S100Z: variants seen among roughly 807,000 people sequenced by gnomAD.
S100Z encodes the protein protein S100-Z.
In S100Z, 11 loss-of-function variants were observed where a neutral mutation model predicts 8.5. The observed-to-expected ratio is 1.30, with a 90% confidence interval of 0.82 to 2.15. The LOEUF is 2.15. Among genes scored for constraint, S100Z ranks in the 30% most tolerant of loss-of-function variants. The pLI is 0.00. For synonymous variants in S100Z, 34 were observed against 43.8 expected (o/e 0.78, Z 0.89); for missense variants, 126 against 117.9 (o/e 1.07, Z -0.32).
chr5:76,857,277 C>G (rs1336110408), intron 1 of S100Z, among the ~76,000 whole-genome samples: 1 of 151,696 alleles, frequency 6.6e-6, no homozygotes, highest in Non-Finnish European at 1.5e-5. Flanking sequence ...GGGCAACAGG[C>G]AAGACTCCAT....
intron 4 of S100Z, among the ~76,000 whole-genome samples, chr5:76,891,956 A>G (rs1743875320): frequency 6.6e-6 from 1 of 152,196 alleles, no homozygotes; most frequent in East Asian, 1.9e-4. Flanking sequence ...ATCAGAGCCA[A>G]CTAAGGGTAC....
At chr5:76,926,956 T>A in the S100Z span, among the ~76,000 whole-genome samples, 5 of 152,246 alleles carry the variant, frequency 3.3e-5, no homozygotes, top group South Asian at 1.0e-3. Context: ...TGTTTTGTTA[T>A]GAACTCTTTA....
intron 4 of S100Z, among the ~76,000 whole-genome samples, chr5:76,907,671 A>G (rs1744505338): frequency 6.6e-6 from 1 of 152,148 alleles, no homozygotes; most frequent in Non-Finnish European, 1.5e-5. Flanking sequence ...TCAAAATTAT[A>G]TTTGCTATTC....
downstream of S100Z, among the ~76,000 whole-genome samples, chr5:76,924,070 T>A (rs1192749009): frequency 2.6e-5 from 4 of 152,156 alleles, no homozygotes; most frequent in Non-Finnish European, 1.5e-5. Context: ...CAGAAAAGAT[T>A]AAAACTCATA....
At chr5:76,894,344 G>A (rs1328310815) in intron 4 of S100Z, among the ~76,000 whole-genome samples, 1 of 152,156 alleles carries the variant, frequency 6.6e-6, no homozygotes, top group Non-Finnish European at 1.5e-5. Context: ...TCCCTAAAAT[G>A]TATAAAACCA....
intron 4 of S100Z, among the ~76,000 whole-genome samples, chr5:76,880,540 GT>G (rs947578529): frequency 2.0e-5 from 3 of 152,108 alleles, no homozygotes; most frequent in South Asian, 4.1e-4. Context: ...TTGTGGGGTT[GT>G]TAGAAGAAAC....
the S100Z span, among the ~76,000 whole-genome samples, chr5:76,941,151 C>G: frequency 6.6e-6 from 1 of 152,186 alleles, no homozygotes; most frequent in African/African-American, 2.4e-5. Flanking sequence ...AAGACAGTTT[C>G]TTGCATGACT....
the S100Z span, among the ~76,000 whole-genome samples, chr5:76,945,904 C>T: frequency 6.6e-6 from 1 of 152,192 alleles, no homozygotes; most frequent in African/African-American, 2.4e-5. Flanking sequence ...TCTCATCCCA[C>T]CCGACGAGAA....
chr5:76,889,514 C>G (rs1378529176), intron 4 of S100Z, among the ~76,000 whole-genome samples: 2 of 152,132 alleles, frequency 1.3e-5, no homozygotes, highest in South Asian at 2.1e-4. Flanking sequence ...AAGTGAGTCA[C>G]TAAAACATGA....
intron 4 of S100Z, among the ~76,000 whole-genome samples, chr5:76,907,395 C>T (rs1744494169): frequency 1.3e-5 from 2 of 152,054 alleles, no homozygotes; most frequent in South Asian, 2.1e-4. Context: ...GCTCTGCCTC[C>T]CTGGTTCACG....
chr5:76,863,642 C>T (rs540373465), intron 1 of S100Z, among the ~76,000 whole-genome samples: 1 of 152,058 alleles, frequency 6.6e-6, no homozygotes. Flanking sequence ...GGGTTCACGC[C>T]ATTCTCCTGC....
chr5:76,915,068 G>A (rs767088815), intron 4 of S100Z, among the ~76,000 whole-genome samples: 3 of 152,192 alleles, frequency 2.0e-5, no homozygotes, highest in African/African-American at 7.2e-5. Flanking sequence ...CACTTTGGGA[G>A]GTCGAGGCAG....
intron 2 of S100Z, among the ~76,000 whole-genome samples, chr5:76,874,724 T>A (rs1743117869): frequency 6.6e-6 from 1 of 152,154 alleles, no homozygotes; most frequent in Admixed American, 6.5e-5. Flanking sequence ...ATATTTTAGT[T>A]TGACTTTGTA....
the S100Z span, among the ~76,000 whole-genome samples, chr5:76,950,487 C>T: frequency 1.9e-3 from 294 of 152,292 alleles, 8 homozygotes; most frequent in East Asian, 0.041. Context: ...ACATAGGTGA[C>T]AATTTGCTCT....
chr5:76,877,531 T>C (rs1580012103), intron 3 of S100Z, 143 bp from the exon 4 acceptor site: 1 of 597,646 alleles, frequency 1.7e-6, no homozygotes, highest in African/African-American at 1.9e-5. Flanking sequence ...GGTTTACACC[T>C]ACCTGTAAAT....
intron 4 of S100Z, among the ~76,000 whole-genome samples, chr5:76,911,171 C>A (rs1456357133): frequency 6.6e-6 from 1 of 152,148 alleles, no homozygotes; most frequent in Admixed American, 6.5e-5. Context: ...AAGGCAATAT[C>A]CCTTAAGGCC....
intron 1 of S100Z, among the ~76,000 whole-genome samples, chr5:76,855,478 G>T (rs769336562): frequency 6.6e-6 from 1 of 152,218 alleles, no homozygotes; most frequent in Non-Finnish European, 1.5e-5. Context: ...GAGACATGAA[G>T]TCAAAAGAGA....
At chr5:76,877,912 A>G (rs374749019) in intron 4 of S100Z, 78 bp downstream of exon 4, 3 of 890,678 alleles carry the variant, frequency 3.4e-6, no homozygotes, top group East Asian at 2.5e-5. Flanking sequence ...GTTCAGATCT[A>G]TAGACCCAGT....
At chr5:76,871,806 C>T (rs558155162) in intron 2 of S100Z, among the ~76,000 whole-genome samples, 61 of 152,316 alleles carry the variant, frequency 4.0e-4, no homozygotes, top group Middle Eastern at 3.4e-3. Context: ...GGATTACAGG[C>T]GTGAGCCACC....
Sources: allele counts gnomAD v4.1 joint callset (sites outside exome capture counted in the v4.1 genomes callset), GRCh38; gene constraint gnomAD v4.1.1; transcripts MANE v1.5; gene names NCBI Gene and HGNC (gene_info 2026-07-23, HGNC 2026-07-21).